TXNRD3: variants seen among roughly 807,000 people sequenced by gnomAD.
TXNRD3 encodes the protein TXNRD3 neighbor gene protein.
In TXNRD3, 68 loss-of-function variants were observed where a neutral mutation model predicts 78.2. The ratio of observed to expected loss-of-function variants is 0.87; its 90% CI spans 0.72 to 1.06. TXNRD3 has a LOEUF of 1.06. Among genes scored for constraint, TXNRD3 ranks in the 50% least tolerant of loss-of-function variants. TXNRD3 has a pLI of 0.00. For synonymous variants in TXNRD3, 296 were observed against 300.1 expected (o/e 0.99, Z 0.14); for missense variants, 751 against 809.5 (o/e 0.93, Z 0.88).
chr3:126,631,113 T>G (rs182507980), intron 8 of TXNRD3, among the ~76,000 whole-genome samples, 176 bp from the exon 9 acceptor site: 9 of 152,202 alleles, frequency 5.9e-5, no homozygotes, highest in Non-Finnish European at 5.9e-5. Flanking sequence ...GAACAAGAAG[T>G]ATACCTCAGA....
At chr3:126,633,147 T>G (rs1419810552) in intron 7 of TXNRD3, among the ~76,000 whole-genome samples, 1 of 152,204 alleles carries the variant, frequency 6.6e-6, no homozygotes. Context: ...TGGCAAATGA[T>G]AACAACCGTT....
At chr3:126,619,515 T>C (rs1462013886) in intron 12 of TXNRD3, among the ~76,000 whole-genome samples, 2 of 152,080 alleles carry the variant, frequency 1.3e-5, no homozygotes, top group Non-Finnish European at 2.9e-5. Context: ...AAGTTGATCT[T>C]ATAGAAGTAG....
At chr3:126,635,885 A>G (rs1938848646) in intron 6 of TXNRD3, among the ~76,000 whole-genome samples, 1 of 152,190 alleles carries the variant, frequency 6.6e-6, no homozygotes, top group African/African-American at 2.4e-5. Context: ...ATACACATGT[A>G]TATATACCTA....
intron 11 of TXNRD3, 136 bp downstream of exon 11, chr3:126,622,328 G>T (rs1938476956): frequency 3.4e-6 from 2 of 583,830 alleles, no homozygotes; most frequent in Non-Finnish European, 5.7e-6. Flanking sequence ...TGAAGAAATT[G>T]ATTATAAAGA....
chr3:126,640,094 C>CTTTTTTTT (rs747114940), intron 6 of TXNRD3, among the ~76,000 whole-genome samples: 2 of 14,308 alleles, frequency 1.4e-4, no homozygotes, highest in Non-Finnish European at 4.2e-4. Flanking sequence ...CTTGTGTTTT[C>CTTTTTTTT]TTTTTTTTTT....
chr3:126,654,450 A>C (rs1168723542), intron 1 of TXNRD3, among the ~76,000 whole-genome samples: 1 of 152,250 alleles, frequency 6.6e-6, no homozygotes, highest in Non-Finnish European at 1.5e-5. Flanking sequence ...CATGAAGCTG[A>C]AATTACCTCA....
chr3:126,631,906 T>C lies in TXNRD3; in HGVS notation c.856-27A>G. 2.1e-6 allele frequency: 3 copies of C among 1,453,104 alleles called. No individual in the cohort carries two copies. The South Asian group carries it at 3.6e-5, about 18-fold the overall frequency. 90.0% of individuals were successfully genotyped at this position (1,453,104 alleles called of 1,614,324 possible). On this transcript the variant is annotated intron_variant, in intron 7 of 15. Coordinates refer to ENST00000524230, the MANE Select transcript of TXNRD3 (RefSeq NM_052883.3). The stretch of plus-strand genomic sequence containing the variant: ...TTGAAAAAAGAGAAGTAAACCTCAC[T>C]TAGCAAACACTACAGAGTACCAGAC...
intron 10 of TXNRD3, among the ~76,000 whole-genome samples, chr3:126,626,530 A>T (rs1183799957): frequency 6.6e-6 from 1 of 152,222 alleles, no homozygotes; most frequent in Non-Finnish European, 1.5e-5. Context: ...GCCAATAAAC[A>T]CATGAAAATT....
chr3:126,614,118 A>T (rs1043494423), intron 13 of TXNRD3, among the ~76,000 whole-genome samples: 1 of 152,224 alleles, frequency 6.6e-6, no homozygotes, highest in Admixed American at 6.5e-5. Flanking sequence ...AATAGAAAAA[A>T]GCTTATAGAA....
chr3:126,642,284 A>T, intron 5 of TXNRD3, 133 bp from the exon 6 acceptor site: 1 of 1,211,790 alleles, frequency 8.3e-7, no homozygotes, highest in Non-Finnish European at 1.1e-6. Context: ...AAAATAAGAC[A>T]CAAGGGATTA....
At position 126,632,659 on chromosome 3, in the gene TXNRD3, C is replaced by CA. The variant is rs71615915; in HGVS notation, c.856-781dup. Among the ~76,000 whole-genome samples, 554 of 58,934 alleles carry CA rather than the reference C, an allele frequency of 9.4e-3. 4 individuals are homozygous for CA. The highest frequency in any genetic ancestry group is 0.021 in the African/African-American group (358 of 16,680). 38.7% of individuals were successfully genotyped at this position (58,934 alleles called of 152,430 possible). A position where few individuals can be genotyped will look rare whatever the true frequency, so the allele number is the denominator to read the frequency against. ...TGGGTAACAGAGCAAGACTCTGTCT[C>CA]AAAAAAAAAAAAAAAAGAAAGAAGC... On this transcript the variant is annotated intron_variant, in intron 7 of 15. Transcript: ENST00000524230.
At chr3:126,615,757 C>A (rs1439067118) in intron 12 of TXNRD3, among the ~76,000 whole-genome samples, 2 of 152,220 alleles carry the variant, frequency 1.3e-5, no homozygotes, top group Non-Finnish European at 2.9e-5. Flanking sequence ...TGCCATCCAT[C>A]TGCCCCTAAA....
chr3:126,638,228 C>A (rs574715733), intron 6 of TXNRD3, among the ~76,000 whole-genome samples: 18 of 152,144 alleles, frequency 1.2e-4, no homozygotes, highest in Non-Finnish European at 2.4e-4. Flanking sequence ...CAGGCGTGAG[C>A]CACCACGTCC....
At chr3:126,628,189 C>A (rs937822901) in intron 10 of TXNRD3, among the ~76,000 whole-genome samples, 1 of 151,988 alleles carries the variant, frequency 6.6e-6, no homozygotes, top group Non-Finnish European at 1.5e-5. Flanking sequence ...AAATAGAAAA[C>A]GAGCTCCTTA....
chr3:126,634,045 T>A lies in TXNRD3; in HGVS notation c.719A>T (p.His240Leu), dbSNP rs1938792233. 1 of 1,499,062 alleles carries A rather than the reference T, an allele frequency of 6.7e-7. No individual in the cohort carries two copies. The highest frequency in any genetic ancestry group is 1.3e-5 in the South Asian group (1 of 77,294). The allele number at this position is 1,499,062 out of a possible 1,614,324, so 92.9% of individuals were successfully genotyped here. Residue 240 changes from histidine to leucine, a missense_variant, in exon 7 of 16, where the codon CAC becomes CTC. Physicochemically the swap from His to Leu is moderately conservative, Grantham distance 99 (BLOSUM62 -3). Transcript: ENST00000524230. ...CGCTTTTGTCATTGTCTCCCAGTTG[T>A]GCCTCACTAAGAAGAAATAATCAGG...
intron 12 of TXNRD3, among the ~76,000 whole-genome samples, chr3:126,616,613 T>TG (rs955649573): frequency 2.3e-4 from 35 of 152,164 alleles, no homozygotes; most frequent in Admixed American, 2.3e-3. Context: ...CCAGAGCAGC[T>TG]GGGACCCCAC....
chr3:126,622,371 A>G, intron 11 of TXNRD3, 93 bp downstream of exon 11: 1 of 817,302 alleles, frequency 1.2e-6, no homozygotes, highest in East Asian at 2.8e-5. Flanking sequence ...AAATTAAGAC[A>G]TATCTCAGTA....
chr3:126,611,032 C>A lies in TXNRD3; in HGVS notation c.1728+5G>T. 6.8e-7 allele frequency: 1 copy of A among 1,480,616 alleles called. No individual in the cohort carries two copies. Among genetic ancestry groups the A allele is most frequent in the Non-Finnish European group, 9.0e-7 (1 of 1,111,184 alleles). 91.7% of individuals were successfully genotyped at this position (1,480,616 alleles called of 1,614,324 possible). ...AGCATTTTGGCTTCTAGTGGTATTA[C>A]ATACATGGTCGAATTTATTGCAGAT... On this transcript the variant is annotated splice_donor_5th_base_variant and intron_variant, in intron 14 of 15. Coordinates refer to ENST00000524230, the MANE Select transcript of TXNRD3 (RefSeq NM_052883.3).
chr3:126,627,463 AGT>A (rs1193403189), intron 10 of TXNRD3, among the ~76,000 whole-genome samples: 1 of 152,188 alleles, frequency 6.6e-6, no homozygotes, highest in Non-Finnish European at 1.5e-5. Context: ...TACCTAAAGG[AGT>A]GTGGATTACA....
Sources: allele counts gnomAD v4.1 joint callset (sites outside exome capture counted in the v4.1 genomes callset), GRCh38; gene constraint gnomAD v4.1.1; transcripts MANE v1.5; gene names NCBI Gene and HGNC (gene_info 2026-07-23, HGNC 2026-07-21).